The following CASP9 variants were observed in gnomAD, a reference collection of about 807,000 sequenced individuals.
CASP9 encodes caspase 9, also known as caspase-9.
Under a neutral mutation model 43.5 loss-of-function variants are expected in CASP9, and 29 were observed. The observed-to-expected ratio is 0.67, with a 90% CI of 0.50 to 0.91. CASP9 has a LOEUF of 0.91. Among genes scored for constraint, CASP9 ranks in the 40% least tolerant of loss-of-function variants. The probability of loss-of-function intolerance (pLI) is 0.00; values close to 1 mark genes in which losing one functional copy is unlikely to be tolerated. For synonymous variants in CASP9, 206 were observed against 211.9 expected, an observed-to-expected ratio of 0.97 and a Z score of 0.24; for missense variants, 575 against 537.4, an observed-to-expected ratio of 1.07 and a Z score of -0.69.
At chr1:15,499,865 T>C (rs1049605822) in intron 6 of CASP9, among the ~76,000 whole-genome samples, 2 of 152,244 alleles carry the variant, frequency 1.3e-5, no homozygotes, top group African/African-American at 4.8e-5. Context: ...TGAATTATTT[T>C]CTTTTTTAGG....
chr1:15,516,470 C>T (rs1709952572), intron 2 of CASP9, among the ~76,000 whole-genome samples: 1 of 110,592 alleles, frequency 9.0e-6, no homozygotes, highest in African/African-American at 3.5e-5. Context: ...CACAGAAGAC[C>T]TTGCCTCAAT....
At chr1:15,496,527 C>A (rs1557534964) in intron 6 of CASP9, among the ~76,000 whole-genome samples, 1 of 152,118 alleles carries the variant, frequency 6.6e-6, no homozygotes, top group Non-Finnish European at 1.5e-5. Flanking sequence ...AAAGATGAAA[C>A]ACTATTAGAA....
intron 2 of CASP9, among the ~76,000 whole-genome samples, chr1:15,509,628 T>A (rs917298426): frequency 1.5e-5 from 2 of 131,536 alleles, no homozygotes; most frequent in African/African-American, 5.8e-5. Context: ...AGAGCAAAAC[T>A]CCATCTCAAA....
rs1709082197 is a variant in CASP9 at position 15,495,700 on chromosome 1, C to T, written c.869-248G>A. On this transcript the variant is annotated intron_variant, in intron 6 of 8. Coordinates refer to ENST00000333868, the MANE Select transcript of CASP9 (RefSeq NM_001229.5). ...AGCTACACACCTCTCCCATATTTTG[C>T]CCACAAGGAAATTCCTGGTGAGCTC... is the stretch of plus-strand genomic sequence containing the variant. Among the ~76,000 whole-genome samples, 3 of 152,270 alleles carry T rather than the reference C, an allele frequency of 2.0e-5. No homozygotes were observed. In the South Asian group the frequency reaches 6.2e-4, roughly 32 times the overall value.
rs1156293340 is a variant in CASP9, at chr1:15,495,345, A to C, written c.976T>G (p.Phe326Val). ...CTAGATATGGCGTCCAGCTGGTCGA[A>C]GGTCCTCAAACCTTCCTGGAACGGG... ...ATPFQEGLRT[F>V]DQLDAISSLP... The change falls in exon 7 of 9, where the codon TTC (phenylalanine) becomes GTC (valine). Residue 326 changes from phenylalanine (F) to valine (V), a missense_variant. Coordinates refer to ENST00000333868, the MANE Select transcript of CASP9 (RefSeq NM_001229.5). 2 of 1,610,774 alleles carry C rather than the reference A, an allele frequency of 1.2e-6. No homozygotes were observed. Among genetic ancestry groups the C allele is most frequent in the East Asian group, 2.2e-5 (1 of 44,756 alleles).
chr1:15,523,969 G>A (rs1710323842), intron 1 of CASP9, 100 bp downstream of exon 1: 5 of 863,230 alleles, frequency 5.8e-6, no homozygotes, highest in Non-Finnish European at 8.5e-6. Context: ...TCCGCTGAGG[G>A]GTTTGAAGCC....
Position 15,496,252 on chromosome 1 carries a change from T to C in CASP9, c.869-800A>G, listed in dbSNP as rs188224864. On this transcript the variant is annotated intron_variant, in intron 6 of 8. Transcript: ENST00000333868. ...ATAAAAACAGTCAACAAACTCAGAA[T>C]AGAAGGAAACTACCTCAACATAGTA... 2.4e-4 allele frequency among the ~76,000 whole-genome samples: 37 copies of C among 152,188 alleles called. 1 individual carries two copies. Among genetic ancestry groups the C allele is most frequent in the Admixed American group, 2.2e-3 (33 of 15,278 alleles).
At position 15,493,920 on chromosome 1, in the gene CASP9, G is replaced by C. The variant is rs1325691395; in HGVS notation, c.1130C>G (p.Ser377Cys). ...AAGCAGGAGGGACTGCAGGTCTTCA[G>C]AGTGAGCCCACTGCTCAAAGATGTC... ...LDDIFEQWAH[S>C]EDLQSLLLRV... Residue 377 changes from serine to cysteine, a missense_variant, in exon 8 of 9, where the codon TCT becomes TGT. Physicochemically the swap from Ser to Cys is moderately radical, Grantham distance 112. Transcript: ENST00000333868. 2 of 1,601,974 alleles carry C rather than the reference G, an allele frequency of 1.2e-6. No homozygotes were observed. Among genetic ancestry groups the C allele is most frequent in the African/African-American group, 2.7e-5 (2 of 74,658 alleles).
At chr1:15,521,762 G>A (rs953898709) in intron 1 of CASP9, among the ~76,000 whole-genome samples, 1 of 151,908 alleles carries the variant, frequency 6.6e-6, no homozygotes, top group South Asian at 2.1e-4. Flanking sequence ...GTGGTCCCCC[G>A]GGCCCAGCTG....
At chr1:15,516,402 G>A (rs1182872378) in intron 2 of CASP9, among the ~76,000 whole-genome samples, 1 of 150,794 alleles carries the variant, frequency 6.6e-6, no homozygotes, top group African/African-American at 2.4e-5. Flanking sequence ...GATCGCTTGA[G>A]CCTGGGAGTT....
upstream of CASP9, chr1:15,524,414 A>T (rs1365163593): frequency 8.7e-7 from 1 of 1,151,380 alleles, no homozygotes. Flanking sequence ...CTCAGGACGC[A>T]CCTCTGCGCC....
At chr1:15,493,091 G>A in intron 8 of CASP9, 56 bp from the exon 9 acceptor site, 1 of 1,607,006 alleles carries the variant, frequency 6.2e-7, no homozygotes, top group Non-Finnish European at 8.5e-7. Context: ...ACTGAAGGAA[G>A]AATTCAAGAG....
Position 15,494,047 on chromosome 1 carries a change from GC to G in CASP9, c.1049-47del, listed in dbSNP as rs1206842458. 6.5e-6 allele frequency: 10 copies of G among 1,539,158 alleles called. No homozygotes were observed. The African/African-American group carries it at 1.4e-4, about 21-fold the overall frequency. ...AACACTGCTGGAGAGCCACCCCTCC[GC>G]CGGCTCCCCACCACCCCTCTGGCCA... is the stretch of plus-strand genomic sequence containing the variant. On this transcript the variant is annotated intron_variant, in intron 7 of 8. Coordinates refer to ENST00000333868, the MANE Select transcript of CASP9 (RefSeq NM_001229.5).
At chr1:15,524,432 GC>G, upstream of CASP9, 3 of 1,080,254 alleles carry the variant, frequency 2.8e-6, no homozygotes, top group Non-Finnish European at 3.4e-6. Context: ...GCCTCGCCCC[GC>G]CCCCAGGGCC....
At chr1:15,524,894 G>A, upstream of CASP9, 2 of 352,748 alleles carry the variant, frequency 5.7e-6, no homozygotes, top group Non-Finnish European at 6.7e-6. Flanking sequence ...CCGCGCCACC[G>A]CCCCGCCCCC....
rs1284870045 is a variant in CASP9 at position 15,495,290 on chromosome 1, GACACAAAGATGTC to G, written c.1018_1030del (p.Asp340ProfsTer50). ...GTGCTCACCTGGGAAAGTAGAGTAGGACACAAAGATGTCACTGGGTGTGGGCAAACTAGATATG... is the reference window on the plus strand; with the variant it reads ...GTGCTCACCTGGGAAAGTAGAGTAGGACTGGGTGTGGGCAAACTAGATATG... On this transcript the variant is annotated frameshift_variant, in exon 7 of 9. Coordinates refer to ENST00000333868, the MANE Select transcript of CASP9 (RefSeq NM_001229.5). LOFTEE classifies it high-confidence loss of function. The G allele has an allele frequency of 7.4e-6, 12 of 1,611,152 alleles. No homozygotes were observed. The highest frequency in any genetic ancestry group is 9.3e-6 in the Non-Finnish European group (11 of 1,179,110).
Position 15,504,663 on chromosome 1 carries a change from G to C in CASP9, c.816C>G (p.Cys272Trp). ...GCTTGGGCTTCCCTCCCAGGCTGGG[G>C]CAGCTGGTCCCATTGAAGATGTTCA... ...KIVNIFNGTS[C>W]PSLGGKPKLF... Residue 272 changes from cysteine to tryptophan, a missense_variant, in exon 6 of 9, where the codon TGC becomes TGG. Transcript: ENST00000333868. 1 of 1,614,192 alleles carries C rather than the reference G, an allele frequency of 6.2e-7. No homozygotes were observed. The highest frequency in any genetic ancestry group is 8.5e-7 in the Non-Finnish European group (1 of 1,180,020).
intron 8 of CASP9, 134 bp from the exon 9 acceptor site, chr1:15,493,169 G>C: frequency 6.7e-7 from 1 of 1,495,462 alleles, no homozygotes; most frequent in South Asian, 1.3e-5. Flanking sequence ...CTTTGAGCAG[G>C]AGGGCTTAAA....
intron 5 of CASP9, among the ~76,000 whole-genome samples, chr1:15,505,769 A>G (rs1709493957): frequency 6.6e-6 from 1 of 152,184 alleles, no homozygotes; most frequent in African/African-American, 2.4e-5. Context: ...CCTCTCCCAG[A>G]GGGCTTCTCC....
Sources: allele counts gnomAD v4.1 joint callset (sites outside exome capture counted in the v4.1 genomes callset), GRCh38; gene constraint gnomAD v4.1.1; transcripts MANE v1.5; gene names NCBI Gene and HGNC (gene_info 2026-07-23, HGNC 2026-07-21).